The following ANO3 variants were observed in gnomAD, a reference collection of about 807,000 sequenced individuals.
ANO3 encodes anoctamin-3.
ANO3 carries 99 observed loss-of-function variants against 144.8 expected under a neutral mutation model. The ratio of observed to expected loss-of-function variants is 0.68; its 90% CI spans 0.58 to 0.81. The LOEUF (loss-of-function observed/expected upper bound fraction) is 0.81, where lower values mean the gene tolerates loss of function less well. Ranked by LOEUF, ANO3 falls within the 30% of genes least tolerant of loss-of-function variation. The pLI is 0.00. For missense variants in ANO3, 905 were observed against 1,202.2 expected, an observed-to-expected ratio of 0.75 and a Z score of 3.66; for synonymous variants, 414 against 392.6, an observed-to-expected ratio of 1.05 and a Z score of -0.64.
chr11:26,342,635 G>A (rs1025417569), intron 1 of ANO3, among the ~76,000 whole-genome samples: 3 of 152,098 alleles, frequency 2.0e-5, no homozygotes, highest in Non-Finnish European at 4.4e-5. Flanking sequence ...GTGGTATTTT[G>A]CTATAGCTGC....
chr11:26,661,486 T>TA lies in ANO3; in HGVS notation c.*1043dup, dbSNP rs778969854. Reference sequence around the variant, plus strand: ...CTGAGGCCAGATGCTCTGCAACACTTACGCTTTTTCAACAATGTGCACTCT... The same window carrying TA: ...CTGAGGCCAGATGCTCTGCAACACTTAACGCTTTTTCAACAATGTGCACTCT... On this transcript the variant is annotated 3_prime_UTR_variant, in exon 27 of 27. Coordinates refer to ENST00000256737, the MANE Select transcript of ANO3 (RefSeq NM_031418.4). 1.3e-5 allele frequency: 2 copies of TA among 152,570 alleles called. No individual in the cohort carries two copies. The highest frequency in any genetic ancestry group is 2.9e-5 in the Non-Finnish European group (2 of 68,014). 9.5% of individuals were successfully genotyped at this position (152,570 alleles called of 1,614,324 possible).
At chr11:26,345,022 G>A (rs1292694823) in intron 1 of ANO3, among the ~76,000 whole-genome samples, 1 of 152,120 alleles carries the variant, frequency 6.6e-6, no homozygotes, top group Non-Finnish European at 1.5e-5. Flanking sequence ...AGGATATTCT[G>A]TTAAATATAA....
At chr11:26,620,292 G>A (rs1852377517) in intron 17 of ANO3, among the ~76,000 whole-genome samples, 1 of 152,040 alleles carries the variant, frequency 6.6e-6, no homozygotes, top group Admixed American at 6.6e-5. Flanking sequence ...TATTACAGCA[G>A]CATGACAGCT....
chr11:26,351,417 A>G (rs1855642941), intron 1 of ANO3, among the ~76,000 whole-genome samples: 1 of 152,132 alleles, frequency 6.6e-6, no homozygotes, highest in Non-Finnish European at 1.5e-5. Flanking sequence ...CATTTTTAAA[A>G]TATATTTTAT....
chr11:26,194,177 C>T (rs910184963), intron 1 of ANO3, among the ~76,000 whole-genome samples: 17 of 151,932 alleles, frequency 1.1e-4, no homozygotes, highest in African/African-American at 3.9e-4. Flanking sequence ...GATGATTAAC[C>T]ATGTGCTGGG....
At chr11:26,443,306 A>G (rs534726889) in intron 2 of ANO3, among the ~76,000 whole-genome samples, 1 of 152,294 alleles carries the variant, frequency 6.6e-6, no homozygotes, top group South Asian at 2.1e-4. Flanking sequence ...TCCCTTATTG[A>G]AAGTGAAATT....
chr11:26,351,339 C>G (rs1379400835), intron 1 of ANO3, among the ~76,000 whole-genome samples: 1 of 151,974 alleles, frequency 6.6e-6, no homozygotes, highest in Non-Finnish European at 1.5e-5. Flanking sequence ...TGTGGTGTTA[C>G]TTAATTTTTT....
At chr11:26,468,471 C>T (rs1365015503) in intron 4 of ANO3, among the ~76,000 whole-genome samples, 1 of 151,926 alleles carries the variant, frequency 6.6e-6, no homozygotes, top group Non-Finnish European at 1.5e-5. Flanking sequence ...ATCACAAGGC[C>T]ATTCACTTTG....
chr11:26,332,102 G>T (rs2133888593), upstream of ANO3: 1 of 1,480,882 alleles, frequency 6.8e-7, no homozygotes, highest in African/African-American at 1.4e-5. Flanking sequence ...GCGTTCCCAT[G>T]ACAACGACAC....
chr11:26,277,726 T>C, intron 1 of ANO3, among the ~76,000 whole-genome samples: 1 of 152,020 alleles, frequency 6.6e-6, no homozygotes, highest in Non-Finnish European at 1.5e-5. Context: ...AATTTTTTCT[T>C]GGCTTAATAT....
At chr11:26,527,074 C>A (rs1849182310) in intron 7 of ANO3, among the ~76,000 whole-genome samples, 1 of 151,980 alleles carries the variant, frequency 6.6e-6, no homozygotes, top group South Asian at 2.1e-4. Flanking sequence ...TTCTGTTAAA[C>A]AAGAATCTTT....
At chr11:26,204,680 T>A (rs11029386) in intron 1 of ANO3, among the ~76,000 whole-genome samples, 51,215 of 151,836 alleles carry the variant, frequency 0.34, 9,117 homozygotes, top group Non-Finnish European at 0.38. Flanking sequence ...GATAGGGGAG[T>A]TGTACACTGA....
Position 26,647,783 on chromosome 11 carries a change from T to G in ANO3, c.2503T>G (p.Ser835Ala), listed in dbSNP as rs771850400. The change falls in exon 24 of 27, where the codon TCT (serine) becomes GCT (alanine). Residue 835 changes from serine (S) to alanine (A), a missense_variant. By Grantham distance (99) the Ser-to-Ala change is moderately conservative. Around this residue, in one of 4 missense-constraint regions of ANO3, gnomAD observed 597 missense variants for 865.1 expected, o/e 0.69. Coordinates refer to ENST00000256737, the MANE Select transcript of ANO3 (RefSeq NM_031418.4). ...CAATGCATTTGTAATTGCTATTACT[T>G]CTGATTACATCCCACGTTTTGTTTA... ...ITNAFVIAIT[S>A]DYIPRFVYEY... 1.9e-6 allele frequency: 3 copies of G among 1,613,390 alleles called. No homozygotes were observed. In the South Asian group the frequency reaches 3.3e-5, roughly 18 times the overall value.
intron 1 of ANO3, among the ~76,000 whole-genome samples, chr11:26,205,026 C>T (rs1851770017): frequency 6.6e-6 from 1 of 152,078 alleles, no homozygotes; most frequent in Admixed American, 6.6e-5. Context: ...CCAAACGAGT[C>T]CTTCCTCACA....
intron 20 of ANO3, among the ~76,000 whole-genome samples, chr11:26,636,127 G>C (rs1246565937): frequency 6.6e-6 from 1 of 152,154 alleles, no homozygotes; most frequent in Non-Finnish European, 1.5e-5. Context: ...TTGAGCCCAG[G>C]AGTTCGAGGA....
intron 7 of ANO3, among the ~76,000 whole-genome samples, chr11:26,529,405 TA>T (rs1565083044): frequency 0.031 from 20 of 646 alleles, 2 homozygotes; most frequent in African/African-American, 0.033. Context: ...TATTATATAA[TA>T]ATATATAATA....
At chr11:26,619,907 G>A (rs1176285260) in intron 17 of ANO3, among the ~76,000 whole-genome samples, 2 of 152,192 alleles carry the variant, frequency 1.3e-5, no homozygotes, top group African/African-American at 4.8e-5. Context: ...AAATCATTAA[G>A]AGAGCTAAGG....
intron 5 of ANO3, 35 bp from the exon 6 acceptor site, chr11:26,516,792 C>G: frequency 6.9e-7 from 1 of 1,446,778 alleles, no homozygotes; most frequent in South Asian, 1.2e-5. Context: ...AGCTCTGATT[C>G]TAAATAATGT....
chr11:26,519,684 G>A (rs1046233062), intron 6 of ANO3, among the ~76,000 whole-genome samples: 4 of 152,064 alleles, frequency 2.6e-5, no homozygotes, highest in Non-Finnish European at 5.9e-5. Flanking sequence ...CCACTCTTAT[G>A]ACCTAAATAC....
Sources: gnomAD v4.1 joint callset for allele counts (sites outside exome capture counted in the v4.1 genomes callset) on GRCh38, gnomAD v4.1.1 for gene constraint, gnomAD v4.1.1 regional missense constraint, MANE v1.5 for transcripts, NCBI Gene and HGNC (gene_info 2026-07-23, HGNC 2026-07-21) for gene names.